Variants in DPH6 observed in about 807,000 individuals in gnomAD.
DPH6 encodes diphthine--ammonia ligase.
In DPH6, 33 loss-of-function variants were observed where a neutral mutation model predicts 38.2. The ratio of observed to expected loss-of-function variants is 0.86; its 90% CI spans 0.65 to 1.15. The LOEUF (loss-of-function observed/expected upper bound fraction) is 1.15. Among genes scored for constraint, DPH6 ranks in the 50% most tolerant of loss-of-function variants. The pLI is 0.00. For synonymous variants in DPH6, 108 were observed against 103.0 expected (o/e 1.05, Z -0.30); for missense variants, 325 against 320.0 (o/e 1.02, Z -0.12).
chr15:35,310,350 G>A (rs1047294109), intron 3 of DPH6, among the ~76,000 whole-genome samples: 2 of 152,096 alleles, frequency 1.3e-5, no homozygotes, highest in Non-Finnish European at 2.9e-5. Flanking sequence ...CTTAAAAAGG[G>A]CCAGTAAGGG....
At chr15:35,484,603 G>A (rs114311179) in intron 3 of DPH6, among the ~76,000 whole-genome samples, 1 of 152,340 alleles carries the variant, frequency 6.6e-6, no homozygotes, top group African/African-American at 2.4e-5. Flanking sequence ...CAATATGGCA[G>A]CTATTTCCCT....
the DPH6 span, among the ~76,000 whole-genome samples, chr15:35,188,637 G>T: frequency 6.6e-6 from 1 of 152,082 alleles, no homozygotes; most frequent in Non-Finnish European, 1.5e-5. Context: ...TCCCTCAGTC[G>T]AATTCTTTCT....
chr15:35,216,959 C>T (rs548778586), downstream of DPH6, among the ~76,000 whole-genome samples: 2 of 152,254 alleles, frequency 1.3e-5, no homozygotes, highest in Admixed American at 1.3e-4. Flanking sequence ...AGGACCTAGG[C>T]TGACTCATGG....
intron 3 of DPH6, among the ~76,000 whole-genome samples, chr15:35,344,835 G>T (rs557837999): frequency 6.6e-6 from 1 of 151,904 alleles, no homozygotes; most frequent in Admixed American, 6.6e-5. Context: ...ATCTTAAACT[G>T]AATTTGAACT....
the DPH6 span, among the ~76,000 whole-genome samples, chr15:35,207,838 T>A: frequency 6.6e-6 from 1 of 152,216 alleles, no homozygotes; most frequent in Non-Finnish European, 1.5e-5. Flanking sequence ...TAACTTGACA[T>A]TAACTAAACT....
At chr15:35,327,325 A>G (rs574028746), downstream of DPH6, among the ~76,000 whole-genome samples, 5 of 150,336 alleles carry the variant, frequency 3.3e-5, no homozygotes, top group South Asian at 1.0e-3. Flanking sequence ...TAAAATTTCT[A>G]GAAAAGGTTC....
At chr15:35,210,481 G>A in the DPH6 span, among the ~76,000 whole-genome samples, 8 of 152,094 alleles carry the variant, frequency 5.3e-5, no homozygotes, top group Non-Finnish European at 7.4e-5. Context: ...AAGGTACAGC[G>A]GGAATAATTA....
the DPH6 span, among the ~76,000 whole-genome samples, chr15:35,153,323 T>C: frequency 6.6e-6 from 1 of 152,200 alleles, no homozygotes; most frequent in Non-Finnish European, 1.5e-5. Context: ...GATTAAAATA[T>C]ATGGTATTTT....
At chr15:35,168,665 T>C in the DPH6 span, among the ~76,000 whole-genome samples, 2 of 152,204 alleles carry the variant, frequency 1.3e-5, no homozygotes, top group African/African-American at 4.8e-5. Context: ...TATTTAAATA[T>C]ATGTTAAAAT....
At chr15:35,356,499 A>T (rs917832153) in intron 3 of DPH6, among the ~76,000 whole-genome samples, 1 of 152,116 alleles carries the variant, frequency 6.6e-6, no homozygotes, top group Non-Finnish European at 1.5e-5. Flanking sequence ...TTTCATTTTA[A>T]CAGTCAGGAC....
chr15:35,455,232 G>A (rs2053981670), intron 3 of DPH6, among the ~76,000 whole-genome samples: 2 of 152,200 alleles, frequency 1.3e-5, no homozygotes, highest in Middle Eastern at 3.4e-3. Context: ...AGATAAGGGA[G>A]CACAATAATT....
chr15:35,324,478 A>G (rs2052266467), intron 3 of DPH6, among the ~76,000 whole-genome samples: 1 of 152,064 alleles, frequency 6.6e-6, no homozygotes, highest in South Asian at 2.1e-4. Context: ...ACTGTGTCTT[A>G]TAACATTGTT....
At chr15:35,525,990 A>T (rs1746348330) in intron 3 of DPH6, among the ~76,000 whole-genome samples, 1 of 152,242 alleles carries the variant, frequency 6.6e-6, no homozygotes, top group South Asian at 2.1e-4. Context: ...TCTGATCCTT[A>T]TTATAATGCT....
At chr15:35,434,599 C>T (rs138088537) in intron 5 of DPH6, among the ~76,000 whole-genome samples, 146 of 152,088 alleles carry the variant, frequency 9.6e-4, no homozygotes, top group African/African-American at 3.3e-3. Flanking sequence ...AGTATATGCA[C>T]GCACACACAC....
chr15:35,307,460 C>T (rs1480093089), intron 3 of DPH6, among the ~76,000 whole-genome samples: 1 of 152,016 alleles, frequency 6.6e-6, no homozygotes, highest in African/African-American at 2.4e-5. Context: ...AAATGTAATA[C>T]CTGATCCTAG....
intron 3 of DPH6, among the ~76,000 whole-genome samples, chr15:35,294,469 G>A (rs1378197144): frequency 6.6e-6 from 1 of 152,198 alleles, no homozygotes; most frequent in Non-Finnish European, 1.5e-5. Context: ...GGATTGAGCT[G>A]TAGACACTAC....
At chr15:35,414,363 G>A (rs1327330497) in intron 5 of DPH6, among the ~76,000 whole-genome samples, 1 of 151,568 alleles carries the variant, frequency 6.6e-6, no homozygotes, top group African/African-American at 2.4e-5. Flanking sequence ...CCCATATAAG[G>A]AATCTTTATT....
chr15:35,518,826 T>C (rs1192472202), intron 3 of DPH6, among the ~76,000 whole-genome samples: 1 of 151,978 alleles, frequency 6.6e-6, no homozygotes, highest in Non-Finnish European at 1.5e-5. Context: ...AAAGTTACCA[T>C]TTGAGCATCT....
chr15:35,514,047 T>C (rs1349110525), intron 3 of DPH6, among the ~76,000 whole-genome samples: 1 of 152,072 alleles, frequency 6.6e-6, no homozygotes, highest in Non-Finnish European at 1.5e-5. Context: ...ATAGTCACAC[T>C]AAATTTGTTA....
Sources: allele counts gnomAD v4.1 joint callset (sites outside exome capture counted in the v4.1 genomes callset), GRCh38; gene constraint gnomAD v4.1.1; transcripts MANE v1.5; gene names NCBI Gene and HGNC (gene_info 2026-07-23, HGNC 2026-07-21).